The following IQGAP3 variants were observed in gnomAD, a reference collection of about 807,000 sequenced individuals.
IQGAP3 encodes the protein IQ motif containing GTPase activating protein 3.
IQGAP3 carries 165 observed loss-of-function variants against 208.2 expected under a neutral mutation model. The observed-to-expected ratio is 0.79, with a 90% confidence interval of 0.70 to 0.90. IQGAP3 has a LOEUF of 0.90. Among genes scored for constraint, IQGAP3 ranks in the 40% least tolerant of loss-of-function variants. IQGAP3 has a pLI of 0.00. For missense variants in IQGAP3, 1,811 were observed against 2,043.1 expected (o/e 0.89, Z 2.19); for synonymous variants, 703 against 803.6 (o/e 0.87, Z 2.12).
intron 27 of IQGAP3, chr1:156,536,980 T>G: frequency 2.0e-6 from 1 of 489,308 alleles, no homozygotes; most frequent in South Asian, 3.6e-5. Context: ...CACACAGACT[T>G]GCACGCCGTC....
chr1:156,530,054 A>G, intron 34 of IQGAP3, 51 bp downstream of exon 34: 5 of 1,224,374 alleles, frequency 4.1e-6, no homozygotes, highest in Non-Finnish European at 5.8e-6. Context: ...ATATGCACGC[A>G]CACACACACA....
At chr1:156,559,387 C>CT (rs1676044271) in intron 11 of IQGAP3, among the ~76,000 whole-genome samples, 1 of 152,222 alleles carries the variant, frequency 6.6e-6, no homozygotes, top group Non-Finnish European at 1.5e-5. Flanking sequence ...TCAATGTAGT[C>CT]TGAGTTTACA....
intron 19 of IQGAP3, among the ~76,000 whole-genome samples, chr1:156,546,172 T>G (rs755807349): frequency 1.5e-4 from 23 of 152,112 alleles, no homozygotes; most frequent in Non-Finnish European, 3.4e-4. Context: ...CTACCCAACC[T>G]CCACCAGGCT....
chr1:156,547,388 GACACACACACACACACACACAC>G (rs61344699), intron 19 of IQGAP3, among the ~76,000 whole-genome samples: 1 of 147,328 alleles, frequency 6.8e-6, no homozygotes, highest in South Asian at 2.2e-4. Flanking sequence ...CAGACACACA[GACACACACACACACACACACAC>G]ACACACACAC....
intron 31 of IQGAP3, 116 bp from the exon 32 acceptor site, chr1:156,533,222 C>T (rs1469806339): frequency 1.5e-6 from 2 of 1,359,974 alleles, no homozygotes; most frequent in Non-Finnish European, 2.0e-6. Context: ...CTCCACATGC[C>T]CCTCTTCCAG....
At position 156,556,136 on chromosome 1, in the gene IQGAP3, C is replaced by T. The variant is rs548885892; in HGVS notation, c.1290+397G>A. 3.9e-5 allele frequency among the ~76,000 whole-genome samples: 6 copies of T among 152,282 alleles called. No individual in the cohort carries two copies. In the South Asian group the frequency reaches 1.2e-3, roughly 32 times the overall value. Reference sequence around the variant, plus strand: ...CAGACAGAAAGTCCCTAAGTGAGGGCCCTGTCGTTTCACTGTCAGAGAAGA... The same window carrying T: ...CAGACAGAAAGTCCCTAAGTGAGGGTCCTGTCGTTTCACTGTCAGAGAAGA... On this transcript the variant is annotated intron_variant, in intron 12 of 37. Coordinates refer to ENST00000361170, the MANE Select transcript of IQGAP3 (RefSeq NM_178229.5).
chr1:156,549,067 G>A (rs1675414474), intron 16 of IQGAP3, among the ~76,000 whole-genome samples: 1 of 152,212 alleles, frequency 6.6e-6, no homozygotes, highest in South Asian at 2.1e-4. Flanking sequence ...GCTCCTGCCT[G>A]TAATCCCAAC....
chr1:156,545,727 C>T (rs115003105), intron 19 of IQGAP3, among the ~76,000 whole-genome samples: 2,930 of 152,152 alleles, frequency 0.019, 114 homozygotes, highest in African/African-American at 0.067. Flanking sequence ...TTGAACTCCT[C>T]GGCTCAAGCA....
In IQGAP3 at chr1:156,566,433, A is replaced by C; in HGVS notation, c.239T>G (p.Val80Gly). 1 of 1,614,116 alleles carries C rather than the reference A, an allele frequency of 6.2e-7. No individual in the cohort carries two copies. The highest frequency in any genetic ancestry group is 8.5e-7 in the Non-Finnish European group (1 of 1,180,010). Residue 80 changes from valine to glycine, a missense_variant, in exon 3 of 38, where the codon GTT (valine) becomes GGT (glycine). Val to Gly is a moderately radical substitution (Grantham distance 109). Transcript: ENST00000361170. ...CACATCGTAGATCTTCTTCAAGGGA[A>C]CCACGGAGGGTGCAAAACAGTGGCC... ...KLGHCFAPSVVPLKKIYDVEQ... is the reference protein window; with the variant it reads ...KLGHCFAPSVGPLKKIYDVEQ...
intron 1 of IQGAP3, among the ~76,000 whole-genome samples, chr1:156,571,966 A>G (rs1676664732): frequency 6.6e-6 from 1 of 152,242 alleles, no homozygotes; most frequent in Admixed American, 6.5e-5. Context: ...AGTGCTTGTT[A>G]TAAATGCAGA....
chr1:156,526,370 C>T lies in IQGAP3; in HGVS notation c.*116G>A, dbSNP rs1674058540. 1.4e-6 allele frequency: 1 copy of T among 715,658 alleles called. No homozygotes were observed. Among genetic ancestry groups the T allele is most frequent in the African/African-American group, 1.8e-5 (1 of 57,126 alleles). 44.3% of individuals were successfully genotyped at this position (715,658 alleles called of 1,614,324 possible). On this transcript the variant is annotated 3_prime_UTR_variant, in exon 38 of 38. Transcript: ENST00000361170. Reference sequence around the variant, plus strand: ...CCAGCTGGGGAAGGGGTGAGAATCCCTGGGCCTTGCCCAGTCCTGAGCTCT... The same window carrying T: ...CCAGCTGGGGAAGGGGTGAGAATCCTTGGGCCTTGCCCAGTCCTGAGCTCT...
intron 15 of IQGAP3, among the ~76,000 whole-genome samples, chr1:156,550,830 C>T (rs1172965779): frequency 6.6e-6 from 1 of 152,164 alleles, no homozygotes; most frequent in East Asian, 1.9e-4. Flanking sequence ...CACTCCTCTA[C>T]CCGACAAGGT....
chr1:156,569,514 T>TAGCACTGA (rs1457461017), intron 1 of IQGAP3, 51 bp from the exon 2 acceptor site: 2 of 833,658 alleles, frequency 2.4e-6, no homozygotes, highest in Non-Finnish European at 3.8e-6. Context: ...AGAGGTGCCT[T>TAGCACTGA]AGCACTGAAG....
chr1:156,544,087 G>A (rs994355488), intron 21 of IQGAP3, 37 bp from the exon 22 acceptor site: 1 of 1,613,080 alleles, frequency 6.2e-7, no homozygotes. Flanking sequence ...GTTGCTGGCT[G>A]TCCTTGCTCT....
intron 19 of IQGAP3, among the ~76,000 whole-genome samples, chr1:156,545,228 A>G (rs1320936506): frequency 1.3e-5 from 2 of 152,064 alleles, no homozygotes; most frequent in African/African-American, 4.8e-5. Context: ...CCCTCTTCCA[A>G]TCCAGTCTCC....
chr1:156,547,257 TAGA>T (rs2102398675), intron 19 of IQGAP3, among the ~76,000 whole-genome samples: 1 of 152,246 alleles, frequency 6.6e-6, no homozygotes, highest in Non-Finnish European at 1.5e-5. Flanking sequence ...AGAGGAAAGG[TAGA>T]AGGCTATTCT....
chr1:156,539,207 T>A, intron 25 of IQGAP3, 167 bp downstream of exon 25: 1 of 809,974 alleles, frequency 1.2e-6, no homozygotes, highest in Non-Finnish European at 2.0e-6. Flanking sequence ...ATCCTCCCAC[T>A]GTGCTGTCCC....
intron 1 of IQGAP3, among the ~76,000 whole-genome samples, chr1:156,571,138 T>C (rs1010728314): frequency 2.6e-5 from 4 of 152,194 alleles, no homozygotes; most frequent in South Asian, 2.1e-4. Context: ...AACTCAAGAA[T>C]AGAGAATCCC....
At chr1:156,562,475 C>T in intron 9 of IQGAP3, 112 bp downstream of exon 9, 1 of 860,096 alleles carries the variant, frequency 1.2e-6, no homozygotes, top group Non-Finnish European at 2.0e-6. Context: ...CAAGAGTTGG[C>T]CCAAATGAGA....
Sources: gnomAD v4.1 joint callset for allele counts (sites outside exome capture counted in the v4.1 genomes callset) on GRCh38, gnomAD v4.1.1 for gene constraint, MANE v1.5 for transcripts, NCBI Gene and HGNC (gene_info 2026-07-23, HGNC 2026-07-21) for gene names.